CCDC141: variants seen among roughly 807,000 people sequenced by gnomAD.
CCDC141 encodes the protein coiled-coil domain containing 141, also known as coiled-coil domain-containing protein 141.
Under a neutral mutation model 181.0 loss-of-function variants are expected in CCDC141, and 168 were observed. The observed-to-expected ratio is 0.93, with a 90% CI of 0.82 to 1.05. The LOEUF (loss-of-function observed/expected upper bound fraction) is 1.05. Among genes scored for constraint, CCDC141 ranks in the 50% least tolerant of loss-of-function variants. CCDC141 has a pLI of 0.00. For synonymous variants in CCDC141, 666 were observed against 642.3 expected, an observed-to-expected ratio of 1.04 and a Z score of -0.56; for missense variants, 1,902 against 1,788.5, an observed-to-expected ratio of 1.06 and a Z score of -1.14.
rs544562666 is a variant in CCDC141, at chr2:178,871,307, A to G, written c.2205+120T>C. ...CTCTACAGTGGATTTTTAGACAAGC[A>G]ATACTTTTGTTTAAAAAAATAGAAA... On this transcript the variant is annotated intron_variant, in intron 14 of 23. Coordinates refer to ENST00000443758, the MANE Select transcript of CCDC141 (RefSeq NM_173648.4). 6 of 1,178,500 alleles carry G rather than the reference A, an allele frequency of 5.1e-6. No homozygotes were observed. The South Asian group carries it at 7.9e-5, about 15-fold the overall frequency. 73.0% of individuals were successfully genotyped at this position (1,178,500 alleles called of 1,614,324 possible).
chr2:179,000,221 A>C (rs1351758451), intron 2 of CCDC141, among the ~76,000 whole-genome samples: 1 of 152,084 alleles, frequency 6.6e-6, no homozygotes, highest in Non-Finnish European at 1.5e-5. Flanking sequence ...TAAGTGGTTG[A>C]AAACAAAACT....
intron 1 of CCDC141, among the ~76,000 whole-genome samples, chr2:179,047,726 A>G (rs928273531): frequency 3.3e-5 from 5 of 152,238 alleles, no homozygotes; most frequent in Non-Finnish European, 7.3e-5. Flanking sequence ...TTATAAAGTT[A>G]CAGAATAATT....
chr2:178,989,661 C>G (rs961058450), intron 2 of CCDC141, among the ~76,000 whole-genome samples: 2 of 147,928 alleles, frequency 1.4e-5, no homozygotes, highest in Non-Finnish European at 3.0e-5. Context: ...GAAAGGACAA[C>G]AATACAATCA....
intron 3 of CCDC141, 61 bp downstream of exon 3, chr2:178,978,423 T>G: frequency 9.1e-7 from 1 of 1,093,918 alleles, no homozygotes; most frequent in South Asian, 3.3e-5. Context: ...AATAAACATT[T>G]TCAGGAGTGC....
At chr2:178,961,573 T>A in intron 4 of CCDC141, 90 bp from the exon 5 acceptor site, 1 of 1,033,980 alleles carries the variant, frequency 9.7e-7, no homozygotes, top group Non-Finnish European at 1.4e-6. Flanking sequence ...AAAATATATG[T>A]AATTTTTATG....
intron 2 of CCDC141, among the ~76,000 whole-genome samples, chr2:179,018,651 G>T (rs1323646183): frequency 6.6e-6 from 1 of 152,130 alleles, no homozygotes; most frequent in Non-Finnish European, 1.5e-5. Flanking sequence ...GCAGCAAAAA[G>T]TAACTCCTTC....
chr2:179,001,204 A>G (rs2041963015), intron 2 of CCDC141, among the ~76,000 whole-genome samples: 8 of 152,216 alleles, frequency 5.3e-5, no homozygotes. Context: ...TTGGTAGCAT[A>G]TATTAAATAT....
At chr2:179,048,521 C>T (rs137899468) in intron 1 of CCDC141, among the ~76,000 whole-genome samples, 1 of 152,294 alleles carries the variant, frequency 6.6e-6, no homozygotes, top group East Asian at 1.9e-4. Flanking sequence ...TATTCCTCAT[C>T]CTGCTCCAAG....
At chr2:178,950,204 T>A (rs556160754) in intron 5 of CCDC141, among the ~76,000 whole-genome samples, 1 of 152,210 alleles carries the variant, frequency 6.6e-6, no homozygotes, top group East Asian at 1.9e-4. Flanking sequence ...CAAGACTTTT[T>A]GACAGTCTCT....
At chr2:179,039,108 A>G (rs1378955887) in intron 2 of CCDC141, among the ~76,000 whole-genome samples, 1 of 152,154 alleles carries the variant, frequency 6.6e-6, no homozygotes, top group Non-Finnish European at 1.5e-5. Context: ...TGGTTTGGAA[A>G]TCTAGACGCC....
chr2:178,969,435 T>A (rs1690784940), intron 4 of CCDC141, among the ~76,000 whole-genome samples: 1 of 152,196 alleles, frequency 6.6e-6, no homozygotes, highest in African/African-American at 2.4e-5. Context: ...CACGATCAAG[T>A]CAGCTTCATC....
At chr2:178,931,939 G>A (rs140967934) in intron 6 of CCDC141, among the ~76,000 whole-genome samples, 992 of 152,214 alleles carry the variant, frequency 6.5e-3, no homozygotes, top group Non-Finnish European at 0.011. Flanking sequence ...GCTGAGGAGG[G>A]CAGTTCACTT....
chr2:178,881,915 TCACACACACACACACACA>T (rs55791403), intron 11 of CCDC141, among the ~76,000 whole-genome samples: 3 of 92,286 alleles, frequency 3.3e-5, no homozygotes, highest in Admixed American at 1.2e-4. Flanking sequence ...TCTCTCTCTC[TCACACACACACACACACA>T]CACACACACA....
At chr2:178,991,570 G>A (rs542848737) in intron 2 of CCDC141, among the ~76,000 whole-genome samples, 1 of 152,180 alleles carries the variant, frequency 6.6e-6, no homozygotes, top group Non-Finnish European at 1.5e-5. Flanking sequence ...AGAGAGGTTG[G>A]CTAATGGGTA....
intron 16 of CCDC141, among the ~76,000 whole-genome samples, chr2:178,867,086 G>A (rs1301433699): frequency 6.6e-6 from 1 of 152,140 alleles, no homozygotes; most frequent in East Asian, 1.9e-4. Flanking sequence ...TCTCTTTTAG[G>A]CCTCTCTTTT....
At chr2:178,818,481 A>T in the CCDC141 span, among the ~76,000 whole-genome samples, 4 of 152,044 alleles carry the variant, frequency 2.6e-5, no homozygotes, top group East Asian at 7.7e-4. Flanking sequence ...CCCTGTGTCC[A>T]TCTGTTCTCA....
intron 12 of CCDC141, chr2:178,874,211 C>T (rs1257921915): frequency 1.3e-5 from 2 of 152,146 alleles, no homozygotes. Flanking sequence ...CTTACTTTAC[C>T]AACAATTTCA....
At chr2:178,822,424 C>T in the CCDC141 span, among the ~76,000 whole-genome samples, 1 of 123,658 alleles carries the variant, frequency 8.1e-6, no homozygotes, top group East Asian at 3.1e-4. Context: ...AAAAAAATCC[C>T]TCCTGAAAAA....
At chr2:178,819,173 G>A in the CCDC141 span, among the ~76,000 whole-genome samples, 1 of 152,194 alleles carries the variant, frequency 6.6e-6, no homozygotes, top group Non-Finnish European at 1.5e-5. Flanking sequence ...TTGATTGCAA[G>A]TGTACTTAGG....
Sources: gnomAD v4.1 joint callset for allele counts (sites outside exome capture counted in the v4.1 genomes callset) on GRCh38, gnomAD v4.1.1 for gene constraint, MANE v1.5 for transcripts, NCBI Gene and HGNC (gene_info 2026-07-23, HGNC 2026-07-21) for gene names.